The following SPIDR variants were observed in gnomAD, a reference collection of about 807,000 sequenced individuals.
The protein encoded by SPIDR is DNA repair-scaffolding protein.
SPIDR carries 93 observed loss-of-function variants against 104.6 expected under a neutral mutation model. The observed-to-expected ratio is 0.89, with a 90% CI of 0.75 to 1.06. The LOEUF (loss-of-function observed/expected upper bound fraction) is 1.06, where lower values mean the gene tolerates loss of function less well. Among genes scored for constraint, SPIDR ranks in the 50% least tolerant of loss-of-function variants. The pLI is 0.00. For missense variants in SPIDR, 1,154 were observed against 1,111.2 expected (o/e 1.04, Z -0.55); for synonymous variants, 431 against 416.9 (o/e 1.03, Z -0.41).
At chr8:47,430,937 A>G (rs2067252273) in intron 7 of SPIDR, among the ~76,000 whole-genome samples, 1 of 152,210 alleles carries the variant, frequency 6.6e-6, no homozygotes, top group Non-Finnish European at 1.5e-5. Context: ...CTCGATACTC[A>G]GAGTGGAAGG....
chr8:47,310,148 C>T (rs1465461243), intron 5 of SPIDR, among the ~76,000 whole-genome samples: 3 of 151,430 alleles, frequency 2.0e-5, no homozygotes, highest in African/African-American at 4.9e-5. Context: ...TCCTGGCTAA[C>T]ACAGTGAAAC....
At chr8:47,476,093 A>T (rs1400829416) in intron 8 of SPIDR, among the ~76,000 whole-genome samples, 1 of 152,196 alleles carries the variant, frequency 6.6e-6, no homozygotes, top group Non-Finnish European at 1.5e-5. Flanking sequence ...GTAACACAAA[A>T]GTTAAAGCTT....
chr8:47,455,174 C>G (rs2072713472), intron 8 of SPIDR, among the ~76,000 whole-genome samples: 1 of 151,876 alleles, frequency 6.6e-6, no homozygotes, highest in Admixed American at 6.6e-5. Flanking sequence ...ATAATACTTA[C>G]AAATCTATAT....
chr8:47,454,375 G>A (rs1298038910), intron 8 of SPIDR, among the ~76,000 whole-genome samples: 1 of 151,860 alleles, frequency 6.6e-6, no homozygotes, highest in Non-Finnish European at 1.5e-5. Flanking sequence ...ACTATCACAG[G>A]GACAAAAAAC....
chr8:47,584,758 C>T (rs758073346), intron 8 of SPIDR, among the ~76,000 whole-genome samples: 9 of 152,158 alleles, frequency 5.9e-5, no homozygotes, highest in Non-Finnish European at 1.3e-4. Flanking sequence ...AAGTTTATAA[C>T]ACCTTTCATC....
chr8:47,441,568 A>T (rs975420636), intron 8 of SPIDR, among the ~76,000 whole-genome samples: 1 of 150,826 alleles, frequency 6.6e-6, no homozygotes. Flanking sequence ...TTCGTTCCCC[A>T]TTTACCATTT....
At chr8:47,626,640 CTCA>C (rs1321469725) in intron 10 of SPIDR, among the ~76,000 whole-genome samples, 2 of 152,190 alleles carry the variant, frequency 1.3e-5, no homozygotes, top group African/African-American at 4.8e-5. Context: ...TGAAAAAATG[CTCA>C]TCGTCACTGG....
intron 8 of SPIDR, chr8:47,511,766 T>G (rs1284176442): frequency 7.7e-7 from 1 of 1,301,840 alleles, no homozygotes; most frequent in African/African-American, 1.4e-5. Flanking sequence ...CCATGCTCTT[T>G]GGCACCTTTA....
chr8:47,361,480 A>G (rs1467979819), intron 5 of SPIDR, among the ~76,000 whole-genome samples: 11 of 152,218 alleles, frequency 7.2e-5, no homozygotes, highest in African/African-American at 2.7e-4. Context: ...AGGCTGGGTT[A>G]GGCAGGTAGG....
rs559664828 is a variant in SPIDR, at chr8:47,440,648, G to A, written c.1097+106G>A. On this transcript the variant is annotated intron_variant, in intron 8 of 19. Transcript: ENST00000297423. ...TTGTCACTTTATCATAGAGCAATGC[G>A]AGAGGAAGAGAGCCAGGATTGGACG... 1.3e-4 allele frequency: 147 copies of A among 1,093,316 alleles called. No individual in the cohort carries two copies. The African/African-American group carries it at 2.0e-3, about 15-fold the overall frequency. 67.7% of individuals were successfully genotyped at this position (1,093,316 alleles called of 1,614,324 possible).
intron 1 of SPIDR, among the ~76,000 whole-genome samples, chr8:47,270,899 T>C (rs1586110472): frequency 6.6e-6 from 1 of 152,194 alleles, no homozygotes; most frequent in African/African-American, 2.4e-5. Flanking sequence ...TAAATTTCAT[T>C]CTATTATTGT....
chr8:47,443,591 A>C (rs1447206445), intron 8 of SPIDR, among the ~76,000 whole-genome samples: 10 of 145,910 alleles, frequency 6.9e-5, no homozygotes, highest in Admixed American at 3.3e-4. Context: ...AAAAAAAAAA[A>C]CACCTCATAC....
At position 47,398,766 on chromosome 8, in the gene SPIDR, G is replaced by A. The variant is rs553499684; in HGVS notation, c.776+2140G>A. ...GGTCACAGGAGATCCAGTGCTGGGC[G>A]AGAGGAGAACCTGTCCAAGGCCTGA... On this transcript the variant is annotated intron_variant, in intron 6 of 19. Coordinates refer to ENST00000297423, the MANE Select transcript of SPIDR (RefSeq NM_001080394.4). 3.3e-5 allele frequency among the ~76,000 whole-genome samples: 5 copies of A among 152,296 alleles called. No individual in the cohort carries two copies. In the East Asian group the frequency reaches 7.7e-4, roughly 24 times the overall value.
At position 47,344,433 on chromosome 8, in the gene SPIDR, G is replaced by A. The variant is rs570498005; in HGVS notation, c.525+50403G>A. ...GAATAGTGCCGCAGTAAACATCCGTGTGTATGTGTCTTTATAATAGCATGA... is the reference window on the plus strand; with the variant it reads ...GAATAGTGCCGCAGTAAACATCCGTATGTATGTGTCTTTATAATAGCATGA... On this transcript the variant is annotated intron_variant, in intron 5 of 19. Transcript: ENST00000297423. Among the ~76,000 whole-genome samples, 27 of 152,322 alleles carry A rather than the reference G, an allele frequency of 1.8e-4. No individual in the cohort carries two copies. In the South Asian group the frequency reaches 5.2e-3, roughly 29 times the overall value.
intron 11 of SPIDR, among the ~76,000 whole-genome samples, chr8:47,688,834 T>C (rs545492311): frequency 1.2e-4 from 18 of 152,334 alleles, no homozygotes; most frequent in African/African-American, 3.8e-4. Context: ...TTCCATTATT[T>C]GGTACACTTA....
At chr8:47,646,364 ATG>A (rs746861322) in intron 10 of SPIDR, among the ~76,000 whole-genome samples, 3 of 152,038 alleles carry the variant, frequency 2.0e-5, no homozygotes, top group Non-Finnish European at 4.4e-5. Context: ...GTATATACAG[ATG>A]TGTGTGTGTG....
In SPIDR at chr8:47,645,939, A is replaced by G. The variant is rs562520156; in HGVS notation, c.1545-27862A>G. 3.3e-5 allele frequency among the ~76,000 whole-genome samples: 5 copies of G among 152,306 alleles called. No homozygotes were observed. The South Asian group carries it at 1.0e-3, about 32-fold the overall frequency. On this transcript the variant is annotated intron_variant, in intron 10 of 19. Coordinates refer to ENST00000297423, the MANE Select transcript of SPIDR (RefSeq NM_001080394.4). ...ATCTTGAGGTGGAAGTTTTTTCTTG[A>G]TTTTTCAAGATTTTTCTTGATTCAA...
intron 17 of SPIDR, among the ~76,000 whole-genome samples, chr8:47,728,131 A>G (rs538190995): frequency 2.0e-5 from 3 of 147,734 alleles, no homozygotes; most frequent in Admixed American, 2.0e-4. Context: ...GAAAAAGAGA[A>G]AAAAAAAAGC....
chr8:47,588,990 C>T (rs1016565294), intron 8 of SPIDR, among the ~76,000 whole-genome samples: 6 of 112,052 alleles, frequency 5.4e-5, no homozygotes, highest in Non-Finnish European at 9.8e-5. Context: ...AATTTTGTAT[C>T]TGTGTTATTG....
Sources: gnomAD v4.1 joint callset for allele counts (sites outside exome capture counted in the v4.1 genomes callset) on GRCh38, gnomAD v4.1.1 for gene constraint, MANE v1.5 for transcripts, NCBI Gene and HGNC (gene_info 2026-07-23, HGNC 2026-07-21) for gene names.